Variants in TMC1 observed in about 807,000 individuals in gnomAD.
TMC1 encodes transmembrane channel-like protein 1.
A neutral mutation model predicts 105.8 loss-of-function variants in TMC1; 84 were observed. The ratio of observed to expected loss-of-function variants is 0.79; its 90% CI spans 0.67 to 0.95. The LOEUF (loss-of-function observed/expected upper bound fraction) is 0.95. Ranked by LOEUF, TMC1 falls within the 40% of genes least tolerant of loss-of-function variation. The pLI is 0.00. For missense variants in TMC1, 817 were observed against 914.1 expected (o/e 0.89, Z 1.37); for synonymous variants, 315 against 311.5 (o/e 1.01, Z -0.12).
At chr9:72,752,250 G>T (rs1827591598) in intron 11 of TMC1, among the ~76,000 whole-genome samples, 1 of 152,052 alleles carries the variant, frequency 6.6e-6, no homozygotes, top group South Asian at 2.1e-4. Flanking sequence ...TCCCAAGGGG[G>T]TCCCTGTTCC....
chr9:72,745,877 A>G (rs548574086), intron 10 of TMC1, among the ~76,000 whole-genome samples: 3 of 152,294 alleles, frequency 2.0e-5, no homozygotes, highest in African/African-American at 4.8e-5. Flanking sequence ...TACAATATCT[A>G]CAACATCTTG....
chr9:72,836,174 G>T lies in TMC1; in HGVS notation c.*201G>T. ...AGAATCTAAACTTTATTCCAAGTCAGAAACTGTTTCTGCAGAGCCACTCTC... is the reference window on the plus strand; with the variant it reads ...AGAATCTAAACTTTATTCCAAGTCATAAACTGTTTCTGCAGAGCCACTCTC... On this transcript the variant is annotated 3_prime_UTR_variant, in exon 24 of 24. Coordinates refer to ENST00000297784, the MANE Select transcript of TMC1 (RefSeq NM_138691.3). The T allele has an allele frequency of 1.5e-6, 1 of 673,358 alleles. No individual in the cohort carries two copies. Among genetic ancestry groups the T allele is most frequent in the Non-Finnish European group, 2.7e-6 (1 of 372,762 alleles). 41.7% of individuals were successfully genotyped at this position (673,358 alleles called of 1,614,324 possible).
intron 7 of TMC1, among the ~76,000 whole-genome samples, chr9:72,696,145 G>T (rs900719043): frequency 6.6e-6 from 1 of 152,154 alleles, no homozygotes; most frequent in South Asian, 2.1e-4. Context: ...AAAAAGATGA[G>T]TTGGACAGGA....
chr9:72,664,465 C>G (rs966061954), intron 5 of TMC1, among the ~76,000 whole-genome samples: 1 of 152,186 alleles, frequency 6.6e-6, no homozygotes, highest in Admixed American at 6.5e-5. Flanking sequence ...CCAAATGTTG[C>G]CTTTTGGCCT....
intron 7 of TMC1, 95 bp downstream of exon 7, chr9:72,694,809 A>G: frequency 3.2e-6 from 4 of 1,261,250 alleles, no homozygotes; most frequent in East Asian, 2.5e-5. Flanking sequence ...AATTAAAGCT[A>G]CTTTTAGAAA....
chr9:72,652,099 T>C (rs1474334219), intron 5 of TMC1, among the ~76,000 whole-genome samples: 1 of 152,154 alleles, frequency 6.6e-6, no homozygotes, highest in Non-Finnish European at 1.5e-5. Context: ...ATCATGACCA[T>C]TGTTGTAGGA....
intron 2 of TMC1, among the ~76,000 whole-genome samples, chr9:72,590,790 T>C (rs1824626535): frequency 6.6e-6 from 1 of 152,188 alleles, no homozygotes; most frequent in Non-Finnish European, 1.5e-5. Context: ...TATAATTTAT[T>C]GTTGCAAACA....
At chr9:72,771,116 C>CT in intron 12 of TMC1, among the ~76,000 whole-genome samples, 2 of 152,324 alleles carry the variant, frequency 1.3e-5, no homozygotes, top group East Asian at 3.9e-4. Flanking sequence ...AGATACAGGC[C>CT]TGTGTGGCCC....
intron 13 of TMC1, among the ~76,000 whole-genome samples, chr9:72,785,535 G>A (rs866187685): frequency 2.0e-4 from 31 of 152,226 alleles, no homozygotes; most frequent in Middle Eastern, 3.4e-3. Context: ...TATCTGAATT[G>A]CCAGCATCAC....
At chr9:72,757,799 G>A (rs1324748710) in intron 12 of TMC1, among the ~76,000 whole-genome samples, 1 of 152,060 alleles carries the variant, frequency 6.6e-6, no homozygotes, top group Non-Finnish European at 1.5e-5. Flanking sequence ...TATTAGGAAT[G>A]CTCAATTTCT....
intron 4 of TMC1, among the ~76,000 whole-genome samples, chr9:72,648,233 A>G (rs1825745661): frequency 6.6e-6 from 1 of 152,172 alleles, no homozygotes; most frequent in African/African-American, 2.4e-5. Context: ...TACCTTTCTA[A>G]GGGTGCACTC....
At chr9:72,802,821 G>T (rs2118230473) in intron 17 of TMC1, among the ~76,000 whole-genome samples, 1 of 152,192 alleles carries the variant, frequency 6.6e-6, no homozygotes, top group Middle Eastern at 3.4e-3. Context: ...ATAATTTATA[G>T]ATTCAATGCT....
At chr9:72,822,900 A>G (rs1397313331) in intron 20 of TMC1, among the ~76,000 whole-genome samples, 2 of 152,252 alleles carry the variant, frequency 1.3e-5, no homozygotes, top group African/African-American at 2.4e-5. Context: ...GACATGAACA[A>G]TAGTTGCACA....
intron 4 of TMC1, among the ~76,000 whole-genome samples, chr9:72,632,053 G>T (rs1269529046): frequency 1.3e-5 from 2 of 152,140 alleles, no homozygotes; most frequent in Non-Finnish European, 2.9e-5. Flanking sequence ...AAAGAAAAGG[G>T]TTTATTTGGT....
intron 4 of TMC1, among the ~76,000 whole-genome samples, chr9:72,635,560 CTTA>C (rs1825519820): frequency 6.6e-6 from 1 of 152,164 alleles, no homozygotes; most frequent in Non-Finnish European, 1.5e-5. Context: ...CTATATATAT[CTTA>C]TTATAAATCA....
intron 2 of TMC1, among the ~76,000 whole-genome samples, chr9:72,586,662 C>T (rs1386655130): frequency 6.6e-6 from 1 of 152,100 alleles, no homozygotes; most frequent in African/African-American, 2.4e-5. Context: ...TTGCAGTGAC[C>T]CCAAAGAGGA....
chr9:72,645,606 C>T (rs988369360), intron 4 of TMC1, among the ~76,000 whole-genome samples: 6 of 152,110 alleles, frequency 3.9e-5, no homozygotes, highest in African/African-American at 1.2e-4. Context: ...AAAGTCAAAG[C>T]GTTAGCAGAA....
Position 72,759,977 on chromosome 9 carries a change from C to A in TMC1, c.741+5093C>A, listed in dbSNP as rs116677436. ...TTCACAAGGGGAAATGGAGTTGAAG[C>A]ATTTGGGCCCCATTTTAATCTTTCA... On this transcript the variant is annotated intron_variant, in intron 12 of 23. Transcript: ENST00000297784. 5.0e-3 allele frequency among the ~76,000 whole-genome samples: 754 copies of A among 152,232 alleles called. 8 individuals are homozygous for A. The highest frequency in any genetic ancestry group is 0.017 in the African/African-American group (720 of 41,548).
intron 4 of TMC1, among the ~76,000 whole-genome samples, chr9:72,645,071 A>C (rs1319776701): frequency 2.0e-5 from 3 of 152,196 alleles, no homozygotes; most frequent in Non-Finnish European, 4.4e-5. Flanking sequence ...AGAACAGATG[A>C]TATGATGTTG....
Sources: gnomAD v4.1 joint callset for allele counts (sites outside exome capture counted in the v4.1 genomes callset) on GRCh38, gnomAD v4.1.1 for gene constraint, MANE v1.5 for transcripts, NCBI Gene and HGNC (gene_info 2026-07-23, HGNC 2026-07-21) for gene names.